SPTB: variants seen among roughly 807,000 people sequenced by gnomAD.
The protein encoded by SPTB is spectrin beta chain, erythrocytic.
In SPTB, 45 loss-of-function variants were observed where a neutral mutation model predicts 256.2. The ratio of observed to expected loss-of-function variants is 0.18; its 90% CI spans 0.14 to 0.23. The LOEUF (loss-of-function observed/expected upper bound fraction) is 0.23, where lower values mean the gene tolerates loss of function less well. Among genes scored for constraint, SPTB ranks in the 10% least tolerant of loss-of-function variants. The probability of loss-of-function intolerance (pLI) is 1.00; values close to 1 mark genes in which losing one functional copy is unlikely to be tolerated. For missense variants in SPTB, 2,715 were observed against 3,040.4 expected (o/e 0.89, Z 2.52); for synonymous variants, 1,231 against 1,243.1 (o/e 0.99, Z 0.21).
chr14:64,846,145 G>T (rs1321094929), intron 1 of SPTB, among the ~76,000 whole-genome samples: 1 of 152,142 alleles, frequency 6.6e-6, no homozygotes, highest in East Asian at 1.9e-4. Flanking sequence ...AACGCATCAG[G>T]ATGACTGGAA....
chr14:64,852,209 C>T lies in SPTB; in HGVS notation c.-52+27583G>A, dbSNP rs555125349. 6.6e-6 allele frequency among the ~76,000 whole-genome samples: 1 copy of T among 152,164 alleles called. No homozygotes were observed. The highest frequency in any genetic ancestry group is 1.9e-4 in the East Asian group (1 of 5,164). ...ATCAGAGCTGAGCCTTTGGGAGGAACAGGAGTTATCCAGGCACACTTGGGG... is the reference window on the plus strand; with the variant it reads ...ATCAGAGCTGAGCCTTTGGGAGGAATAGGAGTTATCCAGGCACACTTGGGG... On this transcript the variant is annotated intron_variant, in intron 1 of 35. Transcript: ENST00000644917. This position sits in a 1 kb window ranked among gnomAD's most constrained non-coding sequence, Gnocchi z 4.2.
rs1173000675 is a variant in SPTB at position 64,795,591 on chromosome 14, G to A, written c.1390C>T (p.His464Tyr). The A allele has an allele frequency of 1.2e-6, 2 of 1,614,048 alleles. No individual in the cohort carries two copies. Among genetic ancestry groups the A allele is most frequent in the Admixed American group, 1.7e-5 (1 of 60,016 alleles). Residue 464 changes from histidine to tyrosine, a missense_variant, in exon 12 of 36, where the codon CAT becomes TAT. By Grantham distance (83) the His-to-Tyr change is moderately conservative. Transcript: ENST00000644917. This position sits in a 1 kb window ranked among gnomAD's most constrained non-coding sequence, Gnocchi z 6.5. ...LAAVEAAKKK[H>Y]EAIETDTAAY... is the part of the protein sequence containing the mutation. ...GCCGTGTCGGTCTCGATGGCCTCATGCTTCTTCTTGGCGGCCTCCACAGCT... is the reference window on the plus strand; with the variant it reads ...GCCGTGTCGGTCTCGATGGCCTCATACTTCTTCTTGGCGGCCTCCACAGCT...
chr14:64,855,359 CTTTATGAAA>C (rs1566804805), intron 1 of SPTB, among the ~76,000 whole-genome samples: 1 of 152,144 alleles, frequency 6.6e-6, no homozygotes, highest in African/African-American at 2.4e-5. Flanking sequence ...AAACACCATT[CTTTATGAAA>C]TAGGAAAATG....
At chr14:64,851,441 T>TCAGTAG (rs987718972) in intron 1 of SPTB, among the ~76,000 whole-genome samples, 23 of 152,010 alleles carry the variant, frequency 1.5e-4, no homozygotes, top group Middle Eastern at 3.4e-3. Context: ...AGAGTTAATA[T>TCAGTAG]CAGTAGCAGT....
At chr14:64,846,116 C>T (rs1447016614) in intron 1 of SPTB, among the ~76,000 whole-genome samples, 4 of 152,276 alleles carry the variant, frequency 2.6e-5, no homozygotes, top group African/African-American at 9.6e-5. Context: ...TCCCGACTTG[C>T]GGTGAGTAAC....
At chr14:64,782,626 G>A in intron 19 of SPTB, 73 bp from the exon 20 acceptor site, 3 of 1,601,966 alleles carry the variant, frequency 1.9e-6, no homozygotes, top group Admixed American at 1.7e-5. Flanking sequence ...CCTGATGGTT[G>A]CAAGAGGCTA....
At chr14:64,834,495 T>C (rs1441283485) in intron 1 of SPTB, among the ~76,000 whole-genome samples, 1 of 151,774 alleles carries the variant, frequency 6.6e-6, no homozygotes, top group Non-Finnish European at 1.5e-5. Context: ...GCATGATCTC[T>C]ACTCACTGCA....
chr14:64,769,520 G>A, intron 28 of SPTB, 70 bp downstream of exon 28: 1 of 1,596,488 alleles, frequency 6.3e-7, no homozygotes, highest in Non-Finnish European at 8.5e-7. Flanking sequence ...CTCCCTCCCA[G>A]GAGGCTGCCT....
Position 64,785,390 on chromosome 14 carries a change from G to T in SPTB, c.3855+147C>A. On this transcript the variant is annotated intron_variant, in intron 18 of 35. Coordinates refer to ENST00000644917, the MANE Select transcript of SPTB (RefSeq NM_001355436.2). This position sits in a 1 kb window ranked among gnomAD's most constrained non-coding sequence, Gnocchi z 4.4. ...AGTGCAACTGAAGATTCCAGAGAAT[G>T]ACCCAATTAAGTACCCAGAGGTCCC... 1.4e-6 allele frequency: 1 copy of T among 692,346 alleles called. No individual in the cohort carries two copies. The highest frequency in any genetic ancestry group is 2.5e-6 in the Non-Finnish European group (1 of 399,160). The allele number at this position is 692,346 out of a possible 1,614,324, so 42.9% of individuals were successfully genotyped here.
At chr14:64,804,831 C>G in intron 3 of SPTB, 108 bp downstream of exon 3, 4 of 1,408,402 alleles carry the variant, frequency 2.8e-6, no homozygotes, top group Non-Finnish European at 3.0e-6. Flanking sequence ...CCCAAAGGAG[C>G]AGAGAGAAAA....
At position 64,778,230 on chromosome 14, in the gene SPTB, C is replaced by A. The variant is rs1335545386; in HGVS notation, c.4563+927G>T. Reference sequence around the variant, plus strand: ...TCTGAATATAATCTAGGCCTCTGCACTGCTGCTGGGCTCACATGGTCCTGT... The same window carrying A: ...TCTGAATATAATCTAGGCCTCTGCAATGCTGCTGGGCTCACATGGTCCTGT... On this transcript the variant is annotated intron_variant, in intron 22 of 35. Transcript: ENST00000644917. This position sits in a 1 kb window ranked among gnomAD's most constrained non-coding sequence, Gnocchi z 5.2. Among the ~76,000 whole-genome samples, 1 of 152,246 alleles carries A rather than the reference C, an allele frequency of 6.6e-6. No homozygotes were observed. Among genetic ancestry groups the A allele is most frequent in the Non-Finnish European group, 1.5e-5 (1 of 68,040 alleles).
Position 64,778,902 on chromosome 14 carries a change from G to C in SPTB, c.4563+255C>G, listed in dbSNP as rs1324236370. Among the ~76,000 whole-genome samples, 1 of 151,978 alleles carries C rather than the reference G, an allele frequency of 6.6e-6. No homozygotes were observed. Among genetic ancestry groups the C allele is most frequent in the East Asian group, 1.9e-4 (1 of 5,168 alleles). On this transcript the variant is annotated intron_variant, in intron 22 of 35. Coordinates refer to ENST00000644917, the MANE Select transcript of SPTB (RefSeq NM_001355436.2). The surrounding 1 kb of genome is among the most constrained non-coding windows in gnomAD (Gnocchi z 5.2). ...CGAGATCCTGCATTCACCTGTGCCT[G>C]ATGGAGGCTGAATGGCCCTGAATCC...
intron 2 of SPTB, among the ~76,000 whole-genome samples, chr14:64,811,335 T>C (rs924190845): frequency 6.6e-6 from 1 of 151,984 alleles, no homozygotes; most frequent in South Asian, 2.1e-4. Flanking sequence ...ATAATAGAAG[T>C]CCAAATTAAA....
chr14:64,764,099 C>T lies in SPTB; in HGVS notation c.6345+2627G>A, dbSNP rs2082132263. Among the ~76,000 whole-genome samples, 1 of 152,232 alleles carries T rather than the reference C, an allele frequency of 6.6e-6. No individual in the cohort carries two copies. The highest frequency in any genetic ancestry group is 2.4e-5 in the African/African-American group (1 of 41,454). On this transcript the variant is annotated intron_variant, in intron 32 of 35. Coordinates refer to ENST00000644917, the MANE Select transcript of SPTB (RefSeq NM_001355436.2). This position sits in a 1 kb window ranked among gnomAD's most constrained non-coding sequence, Gnocchi z 4.2. Reference sequence around the variant, plus strand: ...CGACACCAGACCACACACAGAGGACCAGCAGGAGAGCCACCATCCCCCAGG... The same window carrying T: ...CGACACCAGACCACACACAGAGGACTAGCAGGAGAGCCACCATCCCCCAGG...
At position 64,777,231 on chromosome 14, in the gene SPTB, C is replaced by T. The variant is rs556796505; in HGVS notation, c.4564-1828G>A. 8.8e-4 allele frequency among the ~76,000 whole-genome samples: 134 copies of T among 152,212 alleles called. 1 individual carries two copies. The highest frequency in any genetic ancestry group is 3.2e-3 in the African/African-American group (131 of 41,520). On this transcript the variant is annotated intron_variant, in intron 22 of 35. Transcript: ENST00000644917. This position sits in a 1 kb window ranked among gnomAD's most constrained non-coding sequence, Gnocchi z 4.5. Reference sequence around the variant, plus strand: ...CTCTGGGGTGGACATGAGCTGGGACCGTCTGAGGCCACAGAGAGGGCCAGA... The same window carrying T: ...CTCTGGGGTGGACATGAGCTGGGACTGTCTGAGGCCACAGAGAGGGCCAGA...
In SPTB at chr14:64,804,960, C is replaced by T. The variant is rs1419877128; in HGVS notation, c.279G>A (p.Glu93=). Reference sequence around the variant, plus strand: ...TTACCAGCATCTCTCCAGAGAGCACCTCCAGCAGCTTGATGAGCATGCGCC... The same window carrying T: ...TTACCAGCATCTCTCCAGAGAGCACTTCCAGCAGCTTGATGAGCATGCGCC... ...RDGRMLIKLL[E]VLSGEMLPKP... Residue 93 remains glutamate, a synonymous_variant, in exon 3 of 36, where the codon GAG becomes GAA. Coordinates refer to ENST00000644917, the MANE Select transcript of SPTB (RefSeq NM_001355436.2). 6.2e-7 allele frequency: 1 copy of T among 1,614,216 alleles called. No homozygotes were observed. The highest frequency in any genetic ancestry group is 1.1e-5 in the South Asian group (1 of 91,086).
Position 64,750,109 on chromosome 14 carries a change from G to C in SPTB, c.6648C>G (p.Thr2216=). The C allele has an allele frequency of 1.2e-6, 2 of 1,614,164 alleles. No homozygotes were observed. ...CCAGGTTCTTGGCATCCTTGTAGAAGGTTAGCTCACTGTTCCTGAGCACAC... is the reference window on the plus strand; with the variant it reads ...CCAGGTTCTTGGCATCCTTGTAGAACGTTAGCTCACTGTTCCTGAGCACAC... The part of the protein sequence containing the change: ...LYCVLRNSEL[T]FYKDAKNLAL... The change falls in exon 34 of 36, where the codon ACC becomes ACG. Residue 2216 remains threonine (T), a synonymous_variant. Coordinates refer to ENST00000644917, the MANE Select transcript of SPTB (RefSeq NM_001355436.2).
chr14:64,876,466 T>C (rs1405842123), intron 1 of SPTB, among the ~76,000 whole-genome samples: 1 of 152,194 alleles, frequency 6.6e-6, no homozygotes, highest in African/African-American at 2.4e-5. Flanking sequence ...ATTTTGTGTT[T>C]GATTTTGAAA....
chr14:64,821,487 T>G (rs970236556), intron 2 of SPTB, among the ~76,000 whole-genome samples: 7 of 152,184 alleles, frequency 4.6e-5, no homozygotes, highest in Non-Finnish European at 5.9e-5. Context: ...TCTTACGGAA[T>G]ATGGTACCCC....
Sources: gnomAD v4.1 joint callset for allele counts (sites outside exome capture counted in the v4.1 genomes callset) on GRCh38, gnomAD v4.1.1 for gene constraint, Gnocchi (gnomAD v3.1) non-coding constraint, MANE v1.5 for transcripts, NCBI Gene and HGNC (gene_info 2026-07-23, HGNC 2026-07-21) for gene names.